Variants in CCDC175 observed in about 807,000 individuals in gnomAD.
The protein encoded by CCDC175 is coiled-coil domain containing 175.
In CCDC175, 100 loss-of-function variants were observed where a neutral mutation model predicts 114.6. The ratio of observed to expected loss-of-function variants is 0.87; its 90% CI spans 0.74 to 1.03. The LOEUF (loss-of-function observed/expected upper bound fraction) is 1.03, where lower values mean the gene tolerates loss of function less well. CCDC175 is among the 50% of genes least tolerant of loss of function. CCDC175 has a pLI of 0.00. For synonymous variants in CCDC175, 306 were observed against 308.7 expected, an observed-to-expected ratio of 0.99 and a Z score of 0.09; for missense variants, 880 against 917.8, an observed-to-expected ratio of 0.96 and a Z score of 0.53.
chr14:59,538,152 G>A lies in CCDC175; in HGVS notation c.1494C>T (p.Thr498=), dbSNP rs1382859632. The A allele has an allele frequency of 6.5e-7, 1 of 1,530,908 alleles. No individual in the cohort carries two copies. Among genetic ancestry groups the A allele is most frequent in the East Asian group, 2.5e-5 (1 of 40,706 alleles). The allele number at this position is 1,530,908 out of a possible 1,614,324, so 94.8% of individuals were successfully genotyped here. Reference sequence around the variant, plus strand: ...CACTGATCTCCTGTTGTCTGAAACTGGTCTAATTAGAGAAAAATAAGAATT... The same window carrying A: ...CACTGATCTCCTGTTGTCTGAAACTAGTCTAATTAGAGAAAAATAAGAATT... ...EVRRIELLNE[T]SFRQQEISGF... is the part of the protein sequence containing the mutation. Residue 498 remains threonine, a splice_region_variant and synonymous_variant, in exon 13 of 20, where the codon ACC becomes ACT. Transcript: ENST00000537690.
chr14:59,567,441 CAAG>C (rs1169291807), intron 4 of CCDC175, among the ~76,000 whole-genome samples: 1 of 152,134 alleles, frequency 6.6e-6, no homozygotes, highest in East Asian at 1.9e-4. Flanking sequence ...TTTGGATTCC[CAAG>C]AAGACTTTTT....
At chr14:59,539,827 G>A (rs983926645) in intron 11 of CCDC175, among the ~76,000 whole-genome samples, 2 of 152,128 alleles carry the variant, frequency 1.3e-5, no homozygotes, top group Non-Finnish European at 2.9e-5. Context: ...TTGAACCTGG[G>A]AAGCGGAGGT....
At chr14:59,529,269 AGGGGATCTCAGT>A (rs946577657) in intron 14 of CCDC175, among the ~76,000 whole-genome samples, 11 of 152,194 alleles carry the variant, frequency 7.2e-5, no homozygotes, top group Admixed American at 6.5e-4. Context: ...CTGAGCTCAG[AGGGGATCTCAGT>A]GGGGATCTCA....
chr14:59,572,923 A>C (rs1210116392), intron 2 of CCDC175, 110 bp from the exon 3 acceptor site: 3 of 575,430 alleles, frequency 5.2e-6, no homozygotes, highest in Non-Finnish European at 8.7e-6. Context: ...AATTTCACTA[A>C]ATATCTTCTG....
Position 59,531,786 on chromosome 14 carries a change from C to T in CCDC175, c.1748G>A (p.Ser583Asn). 6.7e-7 allele frequency: 1 copy of T among 1,496,532 alleles called. No individual in the cohort carries two copies. The highest frequency in any genetic ancestry group is 1.4e-5 in the African/African-American group (1 of 71,446). 92.7% of individuals were successfully genotyped at this position (1,496,532 alleles called of 1,614,324 possible). A position where few individuals can be genotyped will look rare whatever the true frequency, so the allele number is the denominator to read the frequency against. Reference protein sequence around the residue: ...KEKRRKLEELSNIITAQRQEE... With the variant: ...KEKRRKLEELNNIITAQRQEE... ...TTCATATGTACCTGTAATAATATTA[C>T]TGAGCTCTTCTAACTTTCTTCTTTT... The change falls in exon 14 of 20, where the codon AGT (serine) becomes AAT (asparagine). Residue 583 changes from serine (S) to asparagine (N), a missense_variant. Ser to Asn is a conservative substitution (Grantham distance 46). Coordinates refer to ENST00000537690, the MANE Select transcript of CCDC175 (RefSeq NM_001164399.2).
chr14:59,573,035 G>A (rs1896923357), intron 2 of CCDC175, among the ~76,000 whole-genome samples: 1 of 152,012 alleles, frequency 6.6e-6, no homozygotes, highest in Non-Finnish European at 1.5e-5. Context: ...TTATTCTACT[G>A]AGAAATTATC....
intron 17 of CCDC175, among the ~76,000 whole-genome samples, chr14:59,519,487 T>C (rs1209960724): frequency 1.3e-5 from 2 of 152,074 alleles, no homozygotes; most frequent in East Asian, 3.9e-4. Flanking sequence ...TTCGTTCAAA[T>C]GAAAAAATGT....
intron 7 of CCDC175, among the ~76,000 whole-genome samples, chr14:59,559,408 T>C (rs1014510088): frequency 6.6e-6 from 1 of 152,148 alleles, no homozygotes; most frequent in Non-Finnish European, 1.5e-5. Context: ...CAAACGCACA[T>C]GGAATTTAAA....
rs1328531428 is a variant in CCDC175, at chr14:59,524,147, A to G, written c.1995+1135T>C. Among the ~76,000 whole-genome samples the G allele has an allele frequency of 2.0e-5, 3 of 152,178 alleles. No individual in the cohort carries two copies. The East Asian group carries it at 5.8e-4, about 29-fold the overall frequency. ...GACTCTAATCCAGGTCTTTCAAACT[A>G]AAGAATATTATGTAAATTTTTGTTG... On this transcript the variant is annotated intron_variant, in intron 16 of 19. Transcript: ENST00000537690.
At chr14:59,515,271 T>A (rs1334028661) in intron 17 of CCDC175, among the ~76,000 whole-genome samples, 1 of 152,074 alleles carries the variant, frequency 6.6e-6, no homozygotes, top group Non-Finnish European at 1.5e-5. Context: ...ACAAGCAAAA[T>A]AACCAGCTAA....
At chr14:59,561,755 T>C (rs1029758688) in intron 6 of CCDC175, among the ~76,000 whole-genome samples, 1 of 152,162 alleles carries the variant, frequency 6.6e-6, no homozygotes, top group African/African-American at 2.4e-5. Flanking sequence ...GAAAAATTGA[T>C]GGAGAAAATT....
chr14:59,551,866 C>G (rs60675976), intron 7 of CCDC175, among the ~76,000 whole-genome samples: 67,796 of 152,120 alleles, frequency 0.45, 17,344 homozygotes, highest in East Asian at 0.81. Context: ...GAGCCTCGCT[C>G]ATTGCTAGCA....
intron 2 of CCDC175, 69 bp downstream of exon 2, chr14:59,574,874 G>A: frequency 1.3e-6 from 1 of 791,856 alleles, no homozygotes; most frequent in Admixed American, 2.7e-5. Context: ...GAACAGAATT[G>A]GTGCGAAATG....
chr14:59,556,801 C>T (rs375590064), intron 7 of CCDC175, among the ~76,000 whole-genome samples: 71 of 152,204 alleles, frequency 4.7e-4, no homozygotes, highest in Non-Finnish European at 8.4e-4. Flanking sequence ...AAAAAGTGGG[C>T]AAAGTATATG....
At chr14:59,550,618 C>T (rs1157152130) in intron 8 of CCDC175, among the ~76,000 whole-genome samples, 2 of 152,042 alleles carry the variant, frequency 1.3e-5, no homozygotes, top group African/African-American at 4.8e-5. Context: ...CAAGGTCCCA[C>T]AATAGGCCAT....
chr14:59,544,292 G>T (rs1315972749), intron 9 of CCDC175, among the ~76,000 whole-genome samples: 1 of 152,066 alleles, frequency 6.6e-6, no homozygotes, highest in South Asian at 2.1e-4. Flanking sequence ...TCAGCTTTCA[G>T]AGTAGCTGGG....
chr14:59,557,413 C>T (rs1007918764), intron 7 of CCDC175, among the ~76,000 whole-genome samples: 2 of 137,274 alleles, frequency 1.5e-5, no homozygotes, highest in Non-Finnish European at 3.0e-5. Flanking sequence ...GGGAATTGAA[C>T]AATGAGAACA....
At chr14:59,523,806 G>C (rs10147018) in intron 16 of CCDC175, among the ~76,000 whole-genome samples, 65,171 of 151,480 alleles carry the variant, frequency 0.43, 14,529 homozygotes, top group African/African-American at 0.54. Flanking sequence ...TGGCTAACAC[G>C]GTGAAACCCC....
intron 14 of CCDC175, 136 bp from the exon 15 acceptor site, chr14:59,527,310 C>T (rs8015859): frequency 0.013 from 6,382 of 501,356 alleles, 327 homozygotes; most frequent in African/African-American, 0.12. Flanking sequence ...CTCCACAATG[C>T]TATGTTTACT....
Sources: allele counts gnomAD v4.1 joint callset (sites outside exome capture counted in the v4.1 genomes callset), GRCh38; gene constraint gnomAD v4.1.1; transcripts MANE v1.5; gene names NCBI Gene and HGNC (gene_info 2026-07-23, HGNC 2026-07-21).